KCNQ1: variants seen among roughly 807,000 people sequenced by gnomAD.
The protein encoded by KCNQ1 is potassium voltage-gated channel subfamily Q member 1.
A neutral mutation model predicts 72.4 loss-of-function variants in KCNQ1; 49 were observed. The ratio of observed to expected loss-of-function variants is 0.68; its 90% CI spans 0.54 to 0.86. The LOEUF (loss-of-function observed/expected upper bound fraction) is 0.86, where lower values mean the gene tolerates loss of function less well. Ranked by LOEUF, KCNQ1 falls within the 40% of genes least tolerant of loss-of-function variation. The pLI is 0.00. For synonymous variants in KCNQ1, 450 were observed against 412.6 expected (o/e 1.09, Z -1.10); for missense variants, 790 against 945.1 (o/e 0.84, Z 2.15).
Position 2,537,046 on chromosome 11 carries a change from C to G in KCNQ1, c.477+9028C>G, listed in dbSNP as rs949943365. On this transcript the variant is annotated intron_variant, in intron 2 of 15. Transcript: ENST00000155840. This position sits in a 1 kb window ranked among gnomAD's most constrained non-coding sequence, Gnocchi z 5.2. Reference sequence around the variant, plus strand: ...TGGAGGCTACCCTACTCCACTGTGACCCCCCTCCTAACTGATCATATCTGC... The same window carrying G: ...TGGAGGCTACCCTACTCCACTGTGAGCCCCCTCCTAACTGATCATATCTGC... Among the ~76,000 whole-genome samples, 7 of 152,024 alleles carry G rather than the reference C, an allele frequency of 4.6e-5. No individual in the cohort carries two copies. Among genetic ancestry groups the G allele is most frequent in the Non-Finnish European group, 8.8e-5 (6 of 68,022 alleles).
intron 15 of KCNQ1, among the ~76,000 whole-genome samples, chr11:2,804,415 G>T (rs1324158084): frequency 6.6e-6 from 1 of 152,176 alleles, no homozygotes; most frequent in Non-Finnish European, 1.5e-5. Flanking sequence ...CTAGAACCCC[G>T]CCGCCCTGGG....
rs1024960018 is a variant in KCNQ1 at position 2,603,446 on chromosome 11, A to G, written c.1393+14592A>G. The stretch of plus-strand genomic sequence containing the variant: ...AAGTGAAGTGTGCCTGTGTATCCCC[A>G]GAGCTGTGCAACTGCCACTCCAGTT... On this transcript the variant is annotated intron_variant, in intron 10 of 15. Transcript: ENST00000155840. This position sits in a 1 kb window ranked among gnomAD's most constrained non-coding sequence, Gnocchi z 4.1. 2.6e-5 allele frequency among the ~76,000 whole-genome samples: 4 copies of G among 152,194 alleles called. No individual in the cohort carries two copies. The highest frequency in any genetic ancestry group is 5.9e-5 in the Non-Finnish European group (4 of 68,040).
rs1270708248 is a variant in KCNQ1 at position 2,563,853 on chromosome 11, C to T, written c.478-6775C>T. ...GGTCTGCATGCCATTTTGCAATTGA[C>T]AAATGGCTTGTGCTTAGCTATTTCG... On this transcript the variant is annotated intron_variant, in intron 2 of 15. Coordinates refer to ENST00000155840, the MANE Select transcript of KCNQ1 (RefSeq NM_000218.3). This position sits in a 1 kb window ranked among gnomAD's most constrained non-coding sequence, Gnocchi z 7.4. Among the ~76,000 whole-genome samples, 1 of 152,226 alleles carries T rather than the reference C, an allele frequency of 6.6e-6. No homozygotes were observed. The highest frequency in any genetic ancestry group is 1.5e-5 in the Non-Finnish European group (1 of 68,048).
In KCNQ1 at chr11:2,764,932, T is replaced by A. The variant is rs1327437012; in HGVS notation, c.1515-3912T>A. 1.3e-5 allele frequency among the ~76,000 whole-genome samples: 2 copies of A among 152,218 alleles called. No homozygotes were observed. The highest frequency in any genetic ancestry group is 3.8e-4 in the East Asian group (2 of 5,204). ...AAGTGTGTCTGTTTTATTAGTCTCT[T>A]CTGAGAACCAAATTTTGGCTTTGTT... is the stretch of plus-strand genomic sequence containing the variant. On this transcript the variant is annotated intron_variant, in intron 11 of 15. Transcript: ENST00000155840. This position sits in a 1 kb window ranked among gnomAD's most constrained non-coding sequence, Gnocchi z 4.8.
At chr11:2,825,887 C>T (rs989258990) in intron 15 of KCNQ1, among the ~76,000 whole-genome samples, 6 of 152,292 alleles carry the variant, frequency 3.9e-5, no homozygotes, top group East Asian at 3.9e-4. Context: ...AGACACTTTA[C>T]CACCTCCCCA....
chr11:2,658,031 T>C lies in KCNQ1; in HGVS notation c.1394-3930T>C. ...TTTTCCCTTTCCATAGCTTAGTCTTTAGAAGCGAGTCACTAAGTATAGCCC... is the reference window on the plus strand; with the variant it reads ...TTTTCCCTTTCCATAGCTTAGTCTTCAGAAGCGAGTCACTAAGTATAGCCC... On this transcript the variant is annotated intron_variant, in intron 10 of 15. Transcript: ENST00000155840. The surrounding 1 kb of genome is among the most constrained non-coding windows in gnomAD (Gnocchi z 4.9). 7.5e-6 allele frequency: 3 copies of C among 398,592 alleles called. No homozygotes were observed. The highest frequency in any genetic ancestry group is 1.3e-5 in the Non-Finnish European group (3 of 226,046). 24.7% of individuals were successfully genotyped at this position (398,592 alleles called of 1,614,324 possible). A position where few individuals can be genotyped will look rare whatever the true frequency, so the allele number is the denominator to read the frequency against.
chr11:2,675,029 GC>G (rs1165935865), intron 11 of KCNQ1: 7 of 398,516 alleles, frequency 1.8e-5, no homozygotes, highest in Non-Finnish European at 3.1e-5. Context: ...CTCTGCCAGA[GC>G]CCAGGTGGGG....
intron 11 of KCNQ1, among the ~76,000 whole-genome samples, chr11:2,726,792 C>T (rs1462419660): frequency 6.6e-6 from 1 of 152,226 alleles, no homozygotes; most frequent in East Asian, 1.9e-4. Context: ...CTGTGCCCAT[C>T]TCCTCACTGC....
chr11:2,520,611 C>G (rs1019650698), intron 1 of KCNQ1, among the ~76,000 whole-genome samples: 12 of 152,124 alleles, frequency 7.9e-5, no homozygotes, highest in African/African-American at 2.7e-4. Flanking sequence ...GACCTCTGCC[C>G]CTGGGCGTCC....
rs1414726494 is a variant in KCNQ1 at position 2,847,937 on chromosome 11, C to T, written c.1965C>T (p.Pro655=). The T allele has an allele frequency of 1.9e-6, 3 of 1,573,862 alleles. No homozygotes were observed. The highest frequency in any genetic ancestry group is 2.6e-6 in the Non-Finnish European group (3 of 1,159,170). The change falls in exon 16 of 16, where the codon CCC becomes CCT. Residue 655 remains proline (P), a synonymous_variant. Coordinates refer to ENST00000155840, the MANE Select transcript of KCNQ1 (RefSeq NM_000218.3). ...CCGTCGACCCTGAGCTCTTCCTGCC[C>T]AGCAACACCCTGCCCACCTACGAGC... ...GGSVDPELFL[P]SNTLPTYEQL...
rs1340431316 is a variant in KCNQ1, at chr11:2,676,214, C to A, written c.1514+14133C>A. ...ATGCCATACTTCTTTTTGAGCTGTACATACAATGCTGATTTATTATGGTGC... is the reference window on the plus strand; with the variant it reads ...ATGCCATACTTCTTTTTGAGCTGTAAATACAATGCTGATTTATTATGGTGC... On this transcript the variant is annotated intron_variant, in intron 11 of 15. Transcript: ENST00000155840. This position sits in a 1 kb window ranked among gnomAD's most constrained non-coding sequence, Gnocchi z 4.2. 3 of 398,526 alleles carry A rather than the reference C, an allele frequency of 7.5e-6. No homozygotes were observed. The highest frequency in any genetic ancestry group is 1.3e-5 in the Non-Finnish European group (3 of 226,086). 24.7% of individuals were successfully genotyped at this position (398,526 alleles called of 1,614,324 possible). A position where few individuals can be genotyped will look rare whatever the true frequency, so the allele number is the denominator to read the frequency against.
chr11:2,731,513 G>A (rs756049784), intron 11 of KCNQ1, among the ~76,000 whole-genome samples: 7 of 152,212 alleles, frequency 4.6e-5, no homozygotes, highest in African/African-American at 7.2e-5. Context: ...GCCATCTCTC[G>A]GGACAGGAGG....
intron 13 of KCNQ1, 145 bp downstream of exon 13, chr11:2,776,199 A>T: frequency 1.4e-6 from 1 of 714,250 alleles, no homozygotes; most frequent in Non-Finnish European, 2.3e-6. Context: ...CACCACCCCC[A>T]GCCCTGCAGA....
chr11:2,751,308 C>A (rs1230718852), intron 11 of KCNQ1, among the ~76,000 whole-genome samples: 2 of 152,232 alleles, frequency 1.3e-5, no homozygotes, highest in Non-Finnish European at 2.9e-5. Flanking sequence ...TCATCTCCCA[C>A]CCCCCACTTG....
At chr11:2,629,171 A>G (rs1452762817) in intron 10 of KCNQ1, 1 of 398,188 alleles carries the variant, frequency 2.5e-6, no homozygotes, top group East Asian at 3.6e-5. Context: ...GAATCTGTAG[A>G]TCACTTTGAG....
chr11:2,758,134 G>T (rs1846333747), intron 11 of KCNQ1, among the ~76,000 whole-genome samples: 1 of 152,130 alleles, frequency 6.6e-6, no homozygotes, highest in Non-Finnish European at 1.5e-5. Flanking sequence ...GCAAACTATA[G>T]ACTTGGAGAA....
At chr11:2,504,621 G>A (rs528692945) in intron 1 of KCNQ1, among the ~76,000 whole-genome samples, 60 of 152,210 alleles carry the variant, frequency 3.9e-4, no homozygotes, top group African/African-American at 1.4e-3. Context: ...GCTGGACTTG[G>A]TGGCATACAC....
In KCNQ1 at chr11:2,587,638, C is replaced by A. The variant is rs756413033; in HGVS notation, c.1197C>A (p.Ala399=). ...SSTWKIYIRK[A]PRSHTLLSPS... is the part of the protein sequence containing the mutation. ...CCTGGAAGATCTACATCCGGAAGGC[C>A]CCCCGGAGCCACACTCTGCTGTCAC... Residue 399 remains alanine (A), a synonymous_variant, in exon 9 of 16, where the codon GCC becomes GCA. Transcript: ENST00000155840. The A allele has an allele frequency of 1.4e-5, 22 of 1,613,842 alleles. No homozygotes were observed. Among genetic ancestry groups the A allele is most frequent in the Non-Finnish European group, 1.9e-5 (22 of 1,180,018 alleles).
chr11:2,788,878 G>A (rs1746140828), intron 15 of KCNQ1, among the ~76,000 whole-genome samples: 1 of 152,158 alleles, frequency 6.6e-6, no homozygotes, highest in Non-Finnish European at 1.5e-5. Flanking sequence ...TCCTGCACAG[G>A]GGTGGGTGTG....
Sources: gnomAD v4.1 joint callset for allele counts (sites outside exome capture counted in the v4.1 genomes callset) on GRCh38, gnomAD v4.1.1 for gene constraint, Gnocchi (gnomAD v3.1) non-coding constraint, MANE v1.5 for transcripts, NCBI Gene and HGNC (gene_info 2026-07-23, HGNC 2026-07-21) for gene names.